Variants in EFHC2 observed in about 807,000 individuals in gnomAD.
EFHC2 encodes EF-hand domain containing 2, also known as EF-hand domain-containing family member C2.
A neutral mutation model predicts 52.7 loss-of-function variants in EFHC2; 18 were observed. The ratio of observed to expected loss-of-function variants is 0.34; its 90% CI spans 0.24 to 0.51. The LOEUF (loss-of-function observed/expected upper bound fraction) is 0.51, where lower values mean the gene tolerates loss of function less well. EFHC2 is among the 20% of genes least tolerant of loss of function. EFHC2 has a pLI of 0.97. For missense variants in EFHC2, 513 were observed against 562.5 expected, an observed-to-expected ratio of 0.91 and a Z score of 0.89; for synonymous variants, 203 against 204.1, an observed-to-expected ratio of 0.99 and a Z score of 0.04.
Position 44,235,318 on chromosome X carries a change from T to C in EFHC2, c.1410A>G (p.Ile470Met), listed in dbSNP as rs368484783. Residue 470 changes from isoleucine to methionine, a missense_variant, in exon 9 of 15, where the codon ATA becomes ATG. By Grantham distance (10) the Ile-to-Met change is conservative. Transcript: ENST00000420999. ...TATATCTCTTACCTGAATTCCTCTC[T>C]ATAGGTTCAAACACTGAAATGGTGT... Reference protein sequence around the residue: ...GDDTISVFEPIERNSGIAGGM... With the variant: ...GDDTISVFEPMERNSGIAGGM... 100 of 1,178,143 alleles carry C rather than the reference T, an allele frequency of 8.5e-5. No individual in the cohort carries two copies. Among genetic ancestry groups the C allele is most frequent in the Non-Finnish European group, 1.1e-4 (99 of 878,559 alleles).
chrX:44,293,949 G>A (rs935024978), intron 2 of EFHC2, among the ~76,000 whole-genome samples: 28 of 112,324 alleles, frequency 2.5e-4, no homozygotes, highest in Admixed American at 2.2e-3. Flanking sequence ...AGTAATGCAC[G>A]AAGGTCTTGG....
intron 11 of EFHC2, among the ~76,000 whole-genome samples, chrX:44,189,370 T>G (rs1174737799): frequency 9.0e-6 from 1 of 111,713 alleles, no homozygotes; most frequent in Non-Finnish European, 1.9e-5. Flanking sequence ...ACAGTACTAT[T>G]AATAGTAAGT....
chrX:44,254,219 G>A (rs1447713671), intron 4 of EFHC2, among the ~76,000 whole-genome samples: 2 of 111,994 alleles, frequency 1.8e-5, no homozygotes, highest in Non-Finnish European at 3.8e-5. Context: ...CTTCTCCTCC[G>A]AAGGATCACA....
At chrX:44,211,595 C>T (rs893094093) in intron 11 of EFHC2, among the ~76,000 whole-genome samples, 1 of 110,331 alleles carries the variant, frequency 9.1e-6, no homozygotes, top group Non-Finnish European at 1.9e-5. Flanking sequence ...GGCTCAGTGG[C>T]TCAAGCCTGT....
intron 1 of EFHC2, among the ~76,000 whole-genome samples, chrX:44,326,873 C>T (rs1345187933): frequency 4.6e-5 from 5 of 108,392 alleles, no homozygotes; most frequent in African/African-American, 1.0e-4. Flanking sequence ...AGACTACAGG[C>T]GCATGCCACC....
chrX:44,243,429 C>T (rs950515429), intron 7 of EFHC2, among the ~76,000 whole-genome samples: 9 of 111,954 alleles, frequency 8.0e-5, no homozygotes, highest in Admixed American at 1.9e-4. Context: ...TGCACACCTC[C>T]GGAAGAGAAA....
intron 5 of EFHC2, 142 bp from the exon 6 acceptor site, chrX:44,249,058 CT>C (rs1190424666): frequency 2.7e-6 from 1 of 369,026 alleles, no homozygotes; most frequent in East Asian, 4.3e-5. Flanking sequence ...TGTTGGCACA[CT>C]GTAAATGTCA....
At chrX:44,173,109 T>C (rs923163161) in intron 13 of EFHC2, among the ~76,000 whole-genome samples, 1 of 111,980 alleles carries the variant, frequency 8.9e-6, no homozygotes, top group Non-Finnish European at 1.9e-5. Context: ...TTAGGAGAAA[T>C]ACATGGGTAA....
At chrX:44,311,544 G>A (rs1378698788) in intron 2 of EFHC2, among the ~76,000 whole-genome samples, 1 of 111,784 alleles carries the variant, frequency 8.9e-6, no homozygotes, top group East Asian at 2.8e-4. Context: ...TGTGATACAG[G>A]GCTATCTGAT....
intron 2 of EFHC2, among the ~76,000 whole-genome samples, chrX:44,297,638 A>T (rs2037835509): frequency 9.2e-6 from 1 of 108,559 alleles, no homozygotes; most frequent in African/African-American, 3.4e-5. Context: ...CTAAGGCAGA[A>T]GAATCATTTG....
At chrX:44,231,985 A>G (rs1369151933) in intron 10 of EFHC2, among the ~76,000 whole-genome samples, 4 of 111,235 alleles carry the variant, frequency 3.6e-5, no homozygotes, top group African/African-American at 1.3e-4. Flanking sequence ...GTTTATCCTT[A>G]AATCCTTATT....
At chrX:44,231,380 T>C (rs1414313038) in intron 10 of EFHC2, among the ~76,000 whole-genome samples, 1 of 111,924 alleles carries the variant, frequency 8.9e-6, no homozygotes, top group African/African-American at 3.2e-5. Flanking sequence ...GGGCAGTCTG[T>C]GCTCTGGGGC....
intron 4 of EFHC2, among the ~76,000 whole-genome samples, chrX:44,257,194 A>G (rs2147342196): frequency 8.9e-6 from 1 of 112,027 alleles, no homozygotes; most frequent in South Asian, 3.8e-4. Flanking sequence ...CCAATATCAT[A>G]CTGAATGGGC....
chrX:44,299,465 T>C (rs1479953163), intron 2 of EFHC2, among the ~76,000 whole-genome samples: 1 of 112,005 alleles, frequency 8.9e-6, no homozygotes, highest in African/African-American at 3.2e-5. Context: ...TTCCTTTATA[T>C]TGATAATAAC....
intron 1 of EFHC2, among the ~76,000 whole-genome samples, chrX:44,320,575 C>G (rs1334067933): frequency 3.6e-5 from 4 of 111,456 alleles, no homozygotes; most frequent in African/African-American, 1.3e-4. Context: ...TACTGGCTTA[C>G]TTGTGTCCCT....
intron 3 of EFHC2, among the ~76,000 whole-genome samples, chrX:44,263,601 T>A (rs912591868): frequency 2.7e-5 from 3 of 112,229 alleles, no homozygotes; most frequent in Admixed American, 1.9e-4. Context: ...TATACTTCAA[T>A]TAGCCTTTAA....
intron 2 of EFHC2, among the ~76,000 whole-genome samples, chrX:44,291,273 G>A (rs907388820): frequency 2.7e-5 from 3 of 111,249 alleles, no homozygotes; most frequent in South Asian, 3.8e-4. Flanking sequence ...TTATATAGGC[G>A]TATCTTATTT....
intron 13 of EFHC2, among the ~76,000 whole-genome samples, chrX:44,167,343 C>T (rs1210890317): frequency 8.9e-6 from 1 of 111,781 alleles, no homozygotes; most frequent in African/African-American, 3.3e-5. Context: ...TTTGCATTTG[C>T]CCTAGATGAT....
chrX:44,257,944 C>T (rs1311022646), intron 4 of EFHC2, among the ~76,000 whole-genome samples: 2 of 111,490 alleles, frequency 1.8e-5, no homozygotes, highest in African/African-American at 6.5e-5. Flanking sequence ...GAGATATAGA[C>T]CAATGGAACA....
Sources: gnomAD v4.1 joint callset for allele counts (sites outside exome capture counted in the v4.1 genomes callset) on GRCh38, gnomAD v4.1.1 for gene constraint, MANE v1.5 for transcripts, NCBI Gene and HGNC (gene_info 2026-07-23, HGNC 2026-07-21) for gene names.